Variants in TRNT1 observed in about 807,000 individuals in gnomAD.
TRNT1 encodes the protein CCA tRNA nucleotidyltransferase 1, mitochondrial.
Under a neutral mutation model 45.6 loss-of-function variants are expected in TRNT1, and 44 were observed. That is an observed-to-expected ratio of 0.97 (90% CI 0.76 to 1.24). The LOEUF is 1.24. TRNT1 is among the 50% of genes most tolerant of loss of function. The pLI, the probability that TRNT1 is intolerant of heterozygous loss-of-function variation, is 0.00. For synonymous variants in TRNT1, 201 were observed against 171.4 expected, an observed-to-expected ratio of 1.17 and a Z score of -1.35; for missense variants, 633 against 504.4, an observed-to-expected ratio of 1.25 and a Z score of -2.44.
At chr3:3,130,090 A>C in intron 2 of TRNT1, 1 of 949,404 alleles carries the variant, frequency 1.1e-6, no homozygotes, top group Non-Finnish European at 1.6e-6. Flanking sequence ...TTGTCTGCTG[A>C]TGTTGCTAAA....
At chr3:3,130,073 C>A in intron 2 of TRNT1, 1 of 1,111,374 alleles carries the variant, frequency 9.0e-7, no homozygotes, top group Non-Finnish European at 1.3e-6. Context: ...AGTGTTGATT[C>A]TCAATGTTGT....
Position 3,140,540 on chromosome 3 carries a change from C to G in TRNT1, c.373C>G (p.Leu125Val). 3 of 1,614,128 alleles carry G rather than the reference C, an allele frequency of 1.9e-6. No homozygotes were observed. The highest frequency in any genetic ancestry group is 2.5e-6 in the Non-Finnish European group (3 of 1,179,998). The change falls in exon 4 of 8, where the codon CTA becomes GTA. Residue 125 changes from leucine to valine, a missense_variant. Transcript: ENST00000251607. ...LHEENFEITT[L>V]RIDVTTDGRH... Reference sequence around the variant, plus strand: ...TGAAGAAAATTTTGAGATTACTACACTACGGATTGATGTCACCACTGATGG... The same window carrying G: ...TGAAGAAAATTTTGAGATTACTACAGTACGGATTGATGTCACCACTGATGG...
chr3:3,142,009 A>G (rs960565748), intron 4 of TRNT1, among the ~76,000 whole-genome samples: 1 of 152,222 alleles, frequency 6.6e-6, no homozygotes, highest in Non-Finnish European at 1.5e-5. Flanking sequence ...AGTTTAAGTC[A>G]CAGAGAACCA....
chr3:3,144,522 C>T (rs1705856876), intron 4 of TRNT1, 62 bp from the exon 5 acceptor site: 1 of 1,474,776 alleles, frequency 6.8e-7, no homozygotes, highest in African/African-American at 1.4e-5. Flanking sequence ...AGCTGATTTT[C>T]TTGTGTTTTC....
At chr3:3,134,692 C>T (rs1487551641) in intron 2 of TRNT1, among the ~76,000 whole-genome samples, 1 of 151,874 alleles carries the variant, frequency 6.6e-6, no homozygotes, top group Non-Finnish European at 1.5e-5. Flanking sequence ...TAAAAAAACC[C>T]AATACTTACC....
At chr3:3,147,050 T>C (rs535444678) in intron 6 of TRNT1, among the ~76,000 whole-genome samples, 93 of 152,324 alleles carry the variant, frequency 6.1e-4, no homozygotes, top group Non-Finnish European at 6.6e-4. Flanking sequence ...TCACAGAGAA[T>C]AGTGGGATTA....
chr3:3,130,460 A>G (rs934927668), intron 2 of TRNT1: 1 of 157,866 alleles, frequency 6.3e-6, no homozygotes, highest in Non-Finnish European at 1.4e-5. Flanking sequence ...TAAATGGCCC[A>G]GAATATGTTG....
Position 3,146,447 on chromosome 3 carries a change from T to A in TRNT1, c.626T>A (p.Val209Glu). 6.2e-7 allele frequency: 1 copy of A among 1,611,568 alleles called. No individual in the cohort carries two copies. The highest frequency in any genetic ancestry group is 8.5e-7 in the Non-Finnish European group (1 of 1,179,236). The change falls in exon 6 of 8, where the codon GTA (valine) becomes GAA (glutamate). Residue 209 changes from valine (V) to glutamate (E), a missense_variant. Coordinates refer to ENST00000251607, the MANE Select transcript of TRNT1 (RefSeq NM_182916.3). The stretch of plus-strand genomic sequence containing the variant: ...TCTTGTAGGTTTTATGGGAGAATTG[T>A]AGACAAACCTGGTGACCATGATCCT... Reference protein sequence around the residue: ...LRYFRFYGRIVDKPGDHDPET... With the variant: ...LRYFRFYGRIEDKPGDHDPET...
At chr3:3,132,682 T>TAAAAAA (rs34975129) in intron 2 of TRNT1, among the ~76,000 whole-genome samples, 1 of 95,210 alleles carries the variant, frequency 1.1e-5, no homozygotes, top group Non-Finnish European at 2.0e-5. Context: ...TAGAGTATAA[T>TAAAAAA]AAAAAAAAAA....
chr3:3,127,212 C>G (rs1294643566), intron 1 of TRNT1: 1 of 152,370 alleles, frequency 6.6e-6, no homozygotes, highest in Non-Finnish European at 1.5e-5. Context: ...CTTGGCTTCC[C>G]TCAGCACTTT....
downstream of TRNT1, among the ~76,000 whole-genome samples, chr3:3,152,150 A>ATTTTTTTTTTTTTTTTTTTTTTTTTT: frequency 1.4e-5 from 2 of 147,096 alleles, 1 homozygote; most frequent in African/African-American, 5.1e-5. Flanking sequence ...ATTTAAATAA[A>ATTTTTTTTTTTTTTTTTTTTTTTTTT]TTTTTTTTTT....
At chr3:3,136,050 T>G (rs1705307698) in intron 2 of TRNT1, among the ~76,000 whole-genome samples, 1 of 152,164 alleles carries the variant, frequency 6.6e-6, no homozygotes, top group African/African-American at 2.4e-5. Context: ...TAATAATGGT[T>G]TCCTAGAAGT....
chr3:3,135,329 A>G (rs1197387336), intron 2 of TRNT1, among the ~76,000 whole-genome samples: 2 of 152,158 alleles, frequency 1.3e-5, no homozygotes, highest in Non-Finnish European at 2.9e-5. Flanking sequence ...CAAATAGGTC[A>G]TGGAAGCCTT....
rs540198785 is a variant in TRNT1 at position 3,136,566 on chromosome 3, C to G, written c.149-694C>G. ...CTGCCTCAACATCTATCTGTAAACA[C>G]AGAGAAATACAAGAACATGTTACCA... On this transcript the variant is annotated intron_variant, in intron 2 of 7. Coordinates refer to ENST00000251607, the MANE Select transcript of TRNT1 (RefSeq NM_182916.3). The G allele has an allele frequency of 1.5e-5, 6 of 406,584 alleles. No individual in the cohort carries two copies. In the East Asian group the frequency reaches 4.3e-4, roughly 29 times the overall value. The allele number at this position is 406,584 out of a possible 1,614,324, so 25.2% of individuals were successfully genotyped here.
chr3:3,133,287 C>A (rs1705127016), intron 2 of TRNT1, among the ~76,000 whole-genome samples: 1 of 152,110 alleles, frequency 6.6e-6, no homozygotes, highest in Non-Finnish European at 1.5e-5. Flanking sequence ...TGTGGTAGCT[C>A]ATGCCTATAA....
chr3:3,131,077 TAAA>T lies in TRNT1; in HGVS notation c.148+1902_148+1904del, dbSNP rs111962069. On this transcript the variant is annotated intron_variant, in intron 2 of 7. Transcript: ENST00000251607. ...GCCTGGGCGACACAGACCGTGTCTT[TAAA>T]AAAAAAAAAAAATTAATGAGATATT... 2.3e-3 allele frequency among the ~76,000 whole-genome samples: 338 copies of T among 144,886 alleles called. 3 individuals carry two copies. Among genetic ancestry groups the T allele is most frequent in the Non-Finnish European group, 3.1e-3 (202 of 65,736 alleles).
At chr3:3,151,138 A>G, downstream of TRNT1, 3 of 1,295,212 alleles carry the variant, frequency 2.3e-6, no homozygotes, top group South Asian at 1.3e-5. Flanking sequence ...TTTAGAGGCA[A>G]ATTCTAAGGA....
At chr3:3,150,928 CAG>C, downstream of TRNT1, 3 of 1,614,006 alleles carry the variant, frequency 1.9e-6, no homozygotes, top group East Asian at 2.2e-5. Flanking sequence ...TCGTGGGCAA[CAG>C]AGCAGATCGC....
chr3:3,143,575 T>A (rs1705796643), intron 4 of TRNT1, among the ~76,000 whole-genome samples: 1 of 152,178 alleles, frequency 6.6e-6, no homozygotes, highest in African/African-American at 2.4e-5. Context: ...AAAGACGCTA[T>A]CTTGGAAATG....
Sources: gnomAD v4.1 joint callset for allele counts (sites outside exome capture counted in the v4.1 genomes callset) on GRCh38, gnomAD v4.1.1 for gene constraint, MANE v1.5 for transcripts, NCBI Gene and HGNC (gene_info 2026-07-23, HGNC 2026-07-21) for gene names.